CACNB2: variants seen among roughly 807,000 people sequenced by gnomAD.
CACNB2 encodes the protein voltage-dependent L-type calcium channel subunit beta-2.
In CACNB2, 42 loss-of-function variants were observed where a neutral mutation model predicts 73.3. The observed-to-expected ratio is 0.57, with a 90% CI of 0.45 to 0.74. The LOEUF (loss-of-function observed/expected upper bound fraction) is 0.74. Ranked by LOEUF, CACNB2 falls within the 30% of genes least tolerant of loss-of-function variation. The probability of loss-of-function intolerance (pLI) is 0.00; values close to 1 mark genes in which losing one functional copy is unlikely to be tolerated. For synonymous variants in CACNB2, 348 were observed against 310.3 expected, an observed-to-expected ratio of 1.12 and a Z score of -1.28; for missense variants, 940 against 853.0, an observed-to-expected ratio of 1.10 and a Z score of -1.27.
intron 3 of CACNB2, among the ~76,000 whole-genome samples, chr10:18,463,593 T>G (rs560533217): frequency 0.017 from 1,367 of 80,376 alleles, 17 homozygotes; most frequent in African/African-American, 0.048. Flanking sequence ...TGTTTTTTTT[T>G]TGTTGTTTTT....
At chr10:18,456,855 G>T (rs145815072) in intron 3 of CACNB2, among the ~76,000 whole-genome samples, 1 of 152,210 alleles carries the variant, frequency 6.6e-6, no homozygotes. Context: ...ATATTCCACC[G>T]TATGCATATA....
chr10:18,229,629 T>C (rs1484479955), intron 2 of CACNB2, among the ~76,000 whole-genome samples: 2 of 152,176 alleles, frequency 1.3e-5, no homozygotes, highest in African/African-American at 4.8e-5. Flanking sequence ...ATGACAGGCT[T>C]TTTAAAAGGA....
intron 10 of CACNB2, 143 bp from the exon 11 acceptor site, chr10:18,533,933 T>C: frequency 1.4e-6 from 1 of 718,990 alleles, no homozygotes; most frequent in Non-Finnish European, 2.3e-6. Flanking sequence ...GATAAATTAC[T>C]GTTGTAAATT....
chr10:18,413,508 C>T (rs2044754917), intron 3 of CACNB2, among the ~76,000 whole-genome samples: 1 of 152,216 alleles, frequency 6.6e-6, no homozygotes, highest in Admixed American at 6.5e-5. Context: ...ATTGAGCTCC[C>T]AGTCTTTTCC....
At chr10:18,203,606 A>G (rs1040987347) in intron 2 of CACNB2, among the ~76,000 whole-genome samples, 1 of 152,228 alleles carries the variant, frequency 6.6e-6, no homozygotes, top group Non-Finnish European at 1.5e-5. Flanking sequence ...ATACATATGT[A>G]TGTGTGTATA....
chr10:18,220,612 C>A (rs1016142432), intron 2 of CACNB2, among the ~76,000 whole-genome samples: 4 of 152,014 alleles, frequency 2.6e-5, no homozygotes, highest in African/African-American at 9.7e-5. Flanking sequence ...AAACCCCAGG[C>A]AGCAGACTAG....
In CACNB2 at chr10:18,518,972, A is replaced by G; in HGVS notation, c.944+4A>G. 1 of 1,613,500 alleles carries G rather than the reference A, an allele frequency of 6.2e-7. No homozygotes were observed. Among genetic ancestry groups the G allele is most frequent in the Non-Finnish European group, 8.5e-7 (1 of 1,179,458 alleles). On this transcript the variant is annotated splice_donor_region_variant and intron_variant, in intron 9 of 13. Coordinates refer to ENST00000324631, the MANE Select transcript of CACNB2 (RefSeq NM_201596.3). ...TAAAACACAGATTTGAAGGGCGGTG[A>G]GTATTTCAGCATACTGGGTTTTGTG...
At chr10:18,504,860 G>A (rs758680044) in intron 5 of CACNB2, among the ~76,000 whole-genome samples, 1 of 152,202 alleles carries the variant, frequency 6.6e-6, no homozygotes, top group African/African-American at 2.4e-5. Context: ...GGCCAGGCTG[G>A]TCTCAAACTC....
intron 5 of CACNB2, among the ~76,000 whole-genome samples, chr10:18,502,854 G>A (rs1336723841): frequency 6.6e-6 from 1 of 151,826 alleles, no homozygotes; most frequent in Non-Finnish European, 1.5e-5. Flanking sequence ...CCACCTCCTG[G>A]GGCATTATGT....
At chr10:18,315,305 G>C (rs529467393) in intron 2 of CACNB2, among the ~76,000 whole-genome samples, 1 of 150,602 alleles carries the variant, frequency 6.6e-6, no homozygotes, top group East Asian at 2.0e-4. Flanking sequence ...CTGCACTCCA[G>C]CCTGGGCAAC....
chr10:18,432,964 T>G (rs932996739), intron 3 of CACNB2, among the ~76,000 whole-genome samples: 7 of 152,282 alleles, frequency 4.6e-5, no homozygotes, highest in Admixed American at 2.0e-4. Flanking sequence ...AAAAGAGAGA[T>G]AGAGATGACT....
chr10:18,372,820 G>T (rs1030016076), intron 2 of CACNB2, among the ~76,000 whole-genome samples: 1 of 152,078 alleles, frequency 6.6e-6, no homozygotes, highest in Non-Finnish European at 1.5e-5. Flanking sequence ...TTGTAAGGTC[G>T]CTGAAGACCA....
chr10:18,447,640 C>T (rs928652463), intron 3 of CACNB2, among the ~76,000 whole-genome samples: 1 of 151,462 alleles, frequency 6.6e-6, no homozygotes, highest in African/African-American at 2.4e-5. Flanking sequence ...AAGACATGAT[C>T]ACTGGCTTTG....
At chr10:18,315,071 C>A (rs2040108812) in intron 2 of CACNB2, among the ~76,000 whole-genome samples, 2 of 152,270 alleles carry the variant, frequency 1.3e-5, no homozygotes, top group South Asian at 4.1e-4. Flanking sequence ...ATGGCTCATG[C>A]CTGTAATCTC....
chr10:18,234,670 T>C (rs1237172346), intron 2 of CACNB2, among the ~76,000 whole-genome samples: 1 of 151,864 alleles, frequency 6.6e-6, no homozygotes, highest in African/African-American at 2.4e-5. Flanking sequence ...AGAAGACAAA[T>C]ACGTAGAAAT....
At position 18,177,518 on chromosome 10, in the gene CACNB2, C is replaced by G. The variant is rs1390748157; in HGVS notation, c.213+26543C>G. On this transcript the variant is annotated intron_variant, in intron 2 of 13. Transcript: ENST00000324631. The stretch of plus-strand genomic sequence containing the variant: ...TGGTGGCAGGCACCTGTAATCCCAG[C>G]TCTTGAGCTGAGATCACGCCACGGC... 2.0e-5 allele frequency among the ~76,000 whole-genome samples: 3 copies of G among 150,130 alleles called. No homozygotes were observed. The East Asian group carries it at 5.9e-4, about 29-fold the overall frequency.
intron 2 of CACNB2, among the ~76,000 whole-genome samples, chr10:18,362,344 C>T (rs994920916): frequency 1.3e-5 from 2 of 152,216 alleles, no homozygotes; most frequent in Admixed American, 1.3e-4. Context: ...TCTAAAGATC[C>T]TCTCTTCAAA....
At chr10:18,371,731 C>G (rs1244767196) in intron 2 of CACNB2, among the ~76,000 whole-genome samples, 2 of 152,152 alleles carry the variant, frequency 1.3e-5, no homozygotes, top group Non-Finnish European at 2.9e-5. Context: ...AATGGGATGG[C>G]TGGGTCAAAT....
chr10:18,227,247 G>A (rs922004327), intron 2 of CACNB2, among the ~76,000 whole-genome samples: 1 of 152,120 alleles, frequency 6.6e-6, no homozygotes, highest in Admixed American at 6.5e-5. Context: ...CTTCTGTACC[G>A]AGAGGAGGAG....
Sources: gnomAD v4.1 joint callset for allele counts (sites outside exome capture counted in the v4.1 genomes callset) on GRCh38, gnomAD v4.1.1 for gene constraint, MANE v1.5 for transcripts, NCBI Gene and HGNC (gene_info 2026-07-23, HGNC 2026-07-21) for gene names.